PCNX2: variants seen among roughly 807,000 people sequenced by gnomAD.
The protein encoded by PCNX2 is pecanex 2.
PCNX2 carries 168 observed loss-of-function variants against 223.8 expected under a neutral mutation model. The ratio of observed to expected loss-of-function variants is 0.75; its 90% confidence interval spans 0.66 to 0.85. The LOEUF is 0.85. Among genes scored for constraint, PCNX2 ranks in the 40% least tolerant of loss-of-function variants. PCNX2 has a pLI of 0.00. For synonymous variants in PCNX2, 1,006 were observed against 1,052.6 expected, an observed-to-expected ratio of 0.96 and a Z score of 0.86; for missense variants, 2,507 against 2,675.5, an observed-to-expected ratio of 0.94 and a Z score of 1.39.
chr1:232,986,278 C>A lies in PCNX2; in HGVS notation c.6054G>T (p.Arg2018Ser). ...AGCTGGTGGAGGAGCCCAGGCTGGA[C>A]CTGATGAGCGCCTCGGCCCGCTCAC... is the stretch of plus-strand genomic sequence containing the variant. ...SVRERAEALI[R>S]SSLGSSTSST... The change falls in exon 33 of 34, where the codon AGG becomes AGT. Residue 2018 changes from arginine to serine, a missense_variant. Around this residue, in one of 3 missense-constraint regions of PCNX2, gnomAD observed 1,372 missense variants for 1,509.4 expected, o/e 0.91. Transcript: ENST00000258229. 1.9e-6 allele frequency: 3 copies of A among 1,562,952 alleles called. No individual in the cohort carries two copies. The highest frequency in any genetic ancestry group is 1.7e-6 in the Non-Finnish European group (2 of 1,154,022).
At chr1:233,041,915 C>T (rs1276330459) in intron 25 of PCNX2, among the ~76,000 whole-genome samples, 1 of 152,180 alleles carries the variant, frequency 6.6e-6, no homozygotes, top group African/African-American at 2.4e-5. Flanking sequence ...CCTTTATTGT[C>T]TGATGCTTCA....
chr1:233,261,406 A>G (rs866877286), intron 3 of PCNX2, 85 bp from the exon 4 acceptor site: 6 of 1,270,162 alleles, frequency 4.7e-6, no homozygotes, highest in Middle Eastern at 1.8e-4. Context: ...GACAGCAGTC[A>G]CTGATTTTCT....
At chr1:233,262,248 T>G in intron 2 of PCNX2, 83 bp from the exon 3 acceptor site, 2 of 1,539,666 alleles carry the variant, frequency 1.3e-6, no homozygotes, top group Non-Finnish European at 1.8e-6. Flanking sequence ...TCTAAAAACT[T>G]TTTTTCCTAG....
chr1:233,133,587 G>C (rs1169734785), intron 21 of PCNX2, among the ~76,000 whole-genome samples: 1 of 152,212 alleles, frequency 6.6e-6, no homozygotes, highest in Admixed American at 6.5e-5. Context: ...CAGGTGCAGT[G>C]GCTCATGCTT....
chr1:233,221,403 T>A (rs1657372629), intron 10 of PCNX2, among the ~76,000 whole-genome samples: 1 of 152,126 alleles, frequency 6.6e-6, no homozygotes, highest in South Asian at 2.1e-4. Context: ...AACCTTTTTC[T>A]GTTTGGGGAG....
At chr1:233,147,639 G>A (rs1677541253) in intron 19 of PCNX2, among the ~76,000 whole-genome samples, 1 of 152,090 alleles carries the variant, frequency 6.6e-6, no homozygotes. Flanking sequence ...TGTTGTTCAA[G>A]GTCAACCGTA....
At chr1:233,096,072 C>G (rs570078489) in intron 21 of PCNX2, among the ~76,000 whole-genome samples, 2 of 152,280 alleles carry the variant, frequency 1.3e-5, no homozygotes, top group African/African-American at 4.8e-5. Context: ...AGAAATCTTG[C>G]ATGGTTAATC....
intron 4 of PCNX2, among the ~76,000 whole-genome samples, chr1:233,260,196 G>T (rs1037688138): frequency 3.9e-5 from 6 of 152,170 alleles, no homozygotes; most frequent in African/African-American, 1.4e-4. Context: ...GGATTTAGTA[G>T]CCAGGTATGG....
intron 1 of PCNX2, among the ~76,000 whole-genome samples, chr1:233,292,755 A>G (rs970869371): frequency 6.6e-6 from 1 of 152,176 alleles, no homozygotes; most frequent in Non-Finnish European, 1.5e-5. Context: ...CTTTTATTTC[A>G]AGGGCACTTT....
At chr1:233,109,230 C>T (rs1674977867) in intron 21 of PCNX2, among the ~76,000 whole-genome samples, 1 of 152,172 alleles carries the variant, frequency 6.6e-6, no homozygotes, top group Admixed American at 6.5e-5. Context: ...CTATTTACCT[C>T]AGTCTCTATG....
chr1:233,324,086 T>A, the PCNX2 span, among the ~76,000 whole-genome samples: 1 of 152,210 alleles, frequency 6.6e-6, no homozygotes, highest in Non-Finnish European at 1.5e-5. Context: ...GCTACAACAT[T>A]CCCTTAAGCC....
chr1:233,241,769 A>G (rs17701197), intron 8 of PCNX2, among the ~76,000 whole-genome samples: 16,663 of 152,252 alleles, frequency 0.11, 1,029 homozygotes, highest in Non-Finnish European at 0.14. Context: ...TACTGGGTAT[A>G]TCTAATATCG....
At chr1:233,303,505 A>T in the PCNX2 span, among the ~76,000 whole-genome samples, 1 of 152,212 alleles carries the variant, frequency 6.6e-6, no homozygotes, top group East Asian at 1.9e-4. Flanking sequence ...AAAAAGTGGG[A>T]CCCTGTCTCA....
chr1:233,193,051 A>ATAT (rs376003585), intron 15 of PCNX2, among the ~76,000 whole-genome samples: 29 of 147,136 alleles, frequency 2.0e-4, no homozygotes, highest in African/African-American at 7.1e-4. Flanking sequence ...TATAAAATTT[A>ATAT]TATATTATTA....
At chr1:233,177,274 C>A (rs1679531942) in intron 17 of PCNX2, among the ~76,000 whole-genome samples, 1 of 152,208 alleles carries the variant, frequency 6.6e-6, no homozygotes, top group Non-Finnish European at 1.5e-5. Flanking sequence ...TAGGTCATAG[C>A]CTGATCCTCT....
intron 25 of PCNX2, chr1:233,031,665 G>A (rs946573409): frequency 1.2e-6 from 1 of 850,866 alleles, no homozygotes; most frequent in African/African-American, 1.8e-5. Flanking sequence ...GTCAGGAAGG[G>A]GAAAAGCCCA....
At chr1:233,064,742 T>C (rs571662277) in intron 23 of PCNX2, among the ~76,000 whole-genome samples, 1 of 152,300 alleles carries the variant, frequency 6.6e-6, no homozygotes, top group South Asian at 2.1e-4. Context: ...AGGAGGAATT[T>C]TACCATCTAT....
chr1:233,099,991 T>A (rs1674390454), intron 21 of PCNX2, among the ~76,000 whole-genome samples: 1 of 152,220 alleles, frequency 6.6e-6, no homozygotes, highest in Non-Finnish European at 1.5e-5. Context: ...CCTAACATTC[T>A]ACTTCCAAGA....
In PCNX2 at chr1:233,186,888, T is replaced by TGC. The variant is rs1486663634; in HGVS notation, c.3067-7715_3067-7714dup. Among the ~76,000 whole-genome samples, 3 of 151,490 alleles carry TGC rather than the reference T, an allele frequency of 2.0e-5. No individual in the cohort carries two copies. In the East Asian group the frequency reaches 5.8e-4, roughly 29 times the overall value. On this transcript the variant is annotated intron_variant, in intron 15 of 33. Coordinates refer to ENST00000258229, the MANE Select transcript of PCNX2 (RefSeq NM_014801.4). Reference sequence around the variant, plus strand: ...AGCTACATGGATAAATACATAGAAATGCACACACACACACACACACAAATA... The same window carrying TGC: ...AGCTACATGGATAAATACATAGAAATGCGCACACACACACACACACACAAATA...
Sources: allele counts gnomAD v4.1 joint callset (sites outside exome capture counted in the v4.1 genomes callset), GRCh38; gene constraint gnomAD v4.1.1; regional missense constraint gnomAD v4.1.1; transcripts MANE v1.5; gene names NCBI Gene and HGNC (gene_info 2026-07-23, HGNC 2026-07-21).